DPYD: variants seen among roughly 807,000 people sequenced by gnomAD.
The protein encoded by DPYD is dihydropyrimidine dehydrogenase [NADP(+)].
Under a neutral mutation model 116.2 loss-of-function variants are expected in DPYD, and 109 were observed. The observed-to-expected ratio is 0.94, with a 90% CI of 0.80 to 1.10. The LOEUF (loss-of-function observed/expected upper bound fraction) is 1.10, where lower values mean the gene tolerates loss of function less well. DPYD is among the 50% of genes least tolerant of loss of function. The pLI, the probability that DPYD is intolerant of heterozygous loss-of-function variation, is 0.00. For synonymous variants in DPYD, 440 were observed against 432.0 expected (o/e 1.02, Z -0.23); for missense variants, 1,302 against 1,254.5 (o/e 1.04, Z -0.57).
At chr1:97,598,897 T>C (rs1399256425) in intron 8 of DPYD, among the ~76,000 whole-genome samples, 1 of 152,222 alleles carries the variant, frequency 6.6e-6, no homozygotes, top group African/African-American at 2.4e-5. Flanking sequence ...ACGTGGACAC[T>C]GGTTGTAGAG....
chr1:97,096,782 C>T (rs1317231892), intron 21 of DPYD, among the ~76,000 whole-genome samples: 3 of 152,082 alleles, frequency 2.0e-5, no homozygotes, highest in Non-Finnish European at 4.4e-5. Flanking sequence ...AAAAGCTGGC[C>T]ACCCCAACCA....
intron 3 of DPYD, among the ~76,000 whole-genome samples, chr1:97,760,222 T>C (rs189730365): frequency 1.1e-4 from 17 of 152,294 alleles, no homozygotes; most frequent in African/African-American, 3.8e-4. Flanking sequence ...TCAGTTTTAC[T>C]AGTCCTCTAA....
At chr1:97,132,849 A>T (rs1653440550) in intron 20 of DPYD, among the ~76,000 whole-genome samples, 1 of 152,120 alleles carries the variant, frequency 6.6e-6, no homozygotes, top group African/African-American at 2.4e-5. Flanking sequence ...TGGATTATTT[A>T]CTTAGAGTTA....
intron 8 of DPYD, among the ~76,000 whole-genome samples, chr1:97,637,705 A>T (rs913365219): frequency 1.3e-5 from 2 of 152,176 alleles, no homozygotes; most frequent in African/African-American, 4.8e-5. Context: ...AACAAGTGTG[A>T]TAGCCAACGA....
intron 16 of DPYD, among the ~76,000 whole-genome samples, chr1:97,351,690 C>T (rs1285537957): frequency 6.6e-6 from 1 of 151,618 alleles, no homozygotes; most frequent in Non-Finnish European, 1.5e-5. Context: ...TCTTAGAATA[C>T]AATAAGGCAA....
intron 13 of DPYD, among the ~76,000 whole-genome samples, chr1:97,500,665 T>G (rs1462260019): frequency 6.6e-6 from 1 of 152,102 alleles, no homozygotes. Flanking sequence ...CAGCATATTT[T>G]ACATTCTGAC....
rs374618287 is a variant in DPYD at position 97,719,616 on chromosome 1, G to A, written c.483+1894C>T. 16 of 783,630 alleles carry A rather than the reference G, an allele frequency of 2.0e-5. No individual in the cohort carries two copies. The South Asian group carries it at 3.5e-4, about 17-fold the overall frequency. 48.5% of individuals were successfully genotyped at this position (783,630 alleles called of 1,614,324 possible). A position where few individuals can be genotyped will look rare whatever the true frequency, so the allele number is the denominator to read the frequency against. ...AATATCAGTGAAAACGGAGTTACTC[G>A]TTTTGTTGTTTTTTTAACTTCCTAA... On this transcript the variant is annotated intron_variant, in intron 5 of 22. Coordinates refer to ENST00000370192, the MANE Select transcript of DPYD (RefSeq NM_000110.4).
intron 7 of DPYD, among the ~76,000 whole-genome samples, chr1:97,679,730 T>C (rs1476737324): frequency 6.6e-6 from 1 of 151,878 alleles, no homozygotes; most frequent in Admixed American, 6.6e-5. Context: ...ATGAATAAAG[T>C]CAGGAAGCAG....
At chr1:97,813,441 CT>C (rs1429483312) in intron 3 of DPYD, among the ~76,000 whole-genome samples, 1 of 152,028 alleles carries the variant, frequency 6.6e-6, no homozygotes, top group Non-Finnish European at 1.5e-5. Flanking sequence ...GTAATTTAAC[CT>C]TATTGTAAAT....
intron 20 of DPYD, among the ~76,000 whole-genome samples, chr1:97,123,994 C>A (rs578046077): frequency 1.3e-5 from 2 of 152,224 alleles, no homozygotes; most frequent in East Asian, 3.9e-4. Flanking sequence ...TATCTCTCTG[C>A]ATTTTAAATC....
At chr1:97,198,353 T>C (rs1258703782) in intron 19 of DPYD, among the ~76,000 whole-genome samples, 2 of 152,234 alleles carry the variant, frequency 1.3e-5, no homozygotes, top group South Asian at 2.1e-4. Context: ...AACATTTTCC[T>C]AGCCTTTCAA....
At chr1:97,777,631 T>A (rs1334828084) in intron 3 of DPYD, among the ~76,000 whole-genome samples, 2 of 152,152 alleles carry the variant, frequency 1.3e-5, no homozygotes, top group African/African-American at 4.8e-5. Flanking sequence ...CAGAAAGGTA[T>A]TTAAGGACAG....
At chr1:97,591,787 T>C (rs1450199384) in intron 10 of DPYD, among the ~76,000 whole-genome samples, 5 of 152,056 alleles carry the variant, frequency 3.3e-5, no homozygotes, top group Admixed American at 1.3e-4. Context: ...ACAAACTATG[T>C]GCCAGGTCCT....
At chr1:97,120,682 A>T (rs1652359061) in intron 20 of DPYD, among the ~76,000 whole-genome samples, 1 of 152,174 alleles carries the variant, frequency 6.6e-6, no homozygotes, top group South Asian at 2.1e-4. Flanking sequence ...CTGCACCCCC[A>T]ACCACGTTTT....
Position 97,525,970 on chromosome 1 carries a change from T to C in DPYD, c.1525-10029A>G, listed in dbSNP as rs191859375. On this transcript the variant is annotated intron_variant, in intron 12 of 22. Transcript: ENST00000370192. Reference sequence around the variant, plus strand: ...GGGAAGAGTAAGTAATTGCCCTGGGTAATTAAGAGTGTGTGTGTGTGTGTG... The same window carrying C: ...GGGAAGAGTAAGTAATTGCCCTGGGCAATTAAGAGTGTGTGTGTGTGTGTG... 4.4e-3 allele frequency among the ~76,000 whole-genome samples: 552 copies of C among 125,686 alleles called. 2 individuals are homozygous for C. Among genetic ancestry groups the C allele is most frequent in the Middle Eastern group, 0.022 (5 of 230 alleles). The allele number at this position is 125,686 out of a possible 152,430, so 82.5% of individuals were successfully genotyped here. A position where few individuals can be genotyped will look rare whatever the true frequency, so the allele number is the denominator to read the frequency against.
intron 7 of DPYD, among the ~76,000 whole-genome samples, chr1:97,687,402 G>A (rs912309393): frequency 2.6e-5 from 4 of 152,206 alleles, no homozygotes; most frequent in Admixed American, 2.0e-4. Flanking sequence ...AATCATTGGA[G>A]AAATGCAAAT....
At chr1:97,253,834 C>T (rs1387156419) in intron 18 of DPYD, among the ~76,000 whole-genome samples, 1 of 152,028 alleles carries the variant, frequency 6.6e-6, no homozygotes, top group African/African-American at 2.4e-5. Context: ...ATTCTTCTTG[C>T]TCTTATAAAA....
chr1:97,334,445 C>T (rs985153848), intron 16 of DPYD, among the ~76,000 whole-genome samples: 5 of 151,232 alleles, frequency 3.3e-5, no homozygotes, highest in Admixed American at 2.6e-4. Flanking sequence ...CATTGTTCAA[C>T]TCATCTGTCT....
At chr1:97,119,048 T>C (rs1305596547) in intron 20 of DPYD, among the ~76,000 whole-genome samples, 2 of 152,142 alleles carry the variant, frequency 1.3e-5, no homozygotes, top group Admixed American at 1.3e-4. Flanking sequence ...CCTTCAGGTA[T>C]TGGGAATTTT....
Sources: allele counts gnomAD v4.1 joint callset (sites outside exome capture counted in the v4.1 genomes callset), GRCh38; gene constraint gnomAD v4.1.1; transcripts MANE v1.5; gene names NCBI Gene and HGNC (gene_info 2026-07-23, HGNC 2026-07-21).